ORC2: variants seen among roughly 807,000 people sequenced by gnomAD.
The protein encoded by ORC2 is origin recognition complex protein 2 homolog.
ORC2 carries 37 observed loss-of-function variants against 77.7 expected under a neutral mutation model. The ratio of observed to expected loss-of-function variants is 0.48; its 90% CI spans 0.37 to 0.63. The LOEUF (loss-of-function observed/expected upper bound fraction) is 0.63, where lower values mean the gene tolerates loss of function less well. Ranked by LOEUF, ORC2 falls within the 20% of genes least tolerant of loss-of-function variation. ORC2 has a pLI of 0.00. For missense variants in ORC2, 557 were observed against 661.9 expected, an observed-to-expected ratio of 0.84 and a Z score of 1.74; for synonymous variants, 201 against 229.5, an observed-to-expected ratio of 0.88 and a Z score of 1.12.
chr2:200,945,490 A>G (rs2041234122), intron 5 of ORC2, among the ~76,000 whole-genome samples: 1 of 115,316 alleles, frequency 8.7e-6, no homozygotes, highest in Non-Finnish European at 1.7e-5. Context: ...AAATTGCTTG[A>G]GCCTAGGACA....
At chr2:200,947,880 C>A (rs912989149) in intron 5 of ORC2, among the ~76,000 whole-genome samples, 1 of 152,140 alleles carries the variant, frequency 6.6e-6, no homozygotes. Context: ...GGACTATAGG[C>A]ATGTACCACC....
At chr2:200,939,293 CTT>C (rs2041105393) in intron 7 of ORC2, among the ~76,000 whole-genome samples, 2 of 152,104 alleles carry the variant, frequency 1.3e-5, no homozygotes, top group East Asian at 1.9e-4. Context: ...ATTGAGATAA[CTT>C]ATATATATCT....
chr2:200,949,695 G>C (rs1559021621), intron 4 of ORC2, 52 bp from the exon 5 acceptor site: 3 of 1,101,384 alleles, frequency 2.7e-6, no homozygotes, highest in Non-Finnish European at 4.0e-6. Flanking sequence ...AAAATTAACA[G>C]AAAAAAATTT....
intron 5 of ORC2, chr2:200,943,083 C>G (rs2041184840): frequency 5.5e-6 from 1 of 181,342 alleles, no homozygotes; most frequent in East Asian, 1.4e-4. Flanking sequence ...CCTTTCATTT[C>G]TTACCATATA....
chr2:200,910,993 T>C lies in ORC2; in HGVS notation c.*308A>G, dbSNP rs530955473. On this transcript the variant is annotated 3_prime_UTR_variant, in exon 18 of 18. Coordinates refer to ENST00000234296, the MANE Select transcript of ORC2 (RefSeq NM_006190.5). ...AAAAAATTCAGAATATCTCTAAGTA[T>C]AAAATAATTCAAAAACATCCAGTTC... 3 of 214,390 alleles carry C rather than the reference T, an allele frequency of 1.4e-5. No homozygotes were observed. The highest frequency in any genetic ancestry group is 5.3e-5 in the Admixed American group (1 of 19,024). 13.3% of individuals were successfully genotyped at this position (214,390 alleles called of 1,614,324 possible). A position where few individuals can be genotyped will look rare whatever the true frequency, so the allele number is the denominator to read the frequency against.
intron 4 of ORC2, among the ~76,000 whole-genome samples, chr2:200,956,528 C>T (rs144464852): frequency 6.6e-6 from 1 of 151,706 alleles, no homozygotes; most frequent in East Asian, 2.0e-4. Context: ...CGGGATCTTA[C>T]TATGTTGCCT....
In ORC2 at chr2:200,909,956, T is replaced by G. The variant is rs1410952835; in HGVS notation, c.*1345A>C. ...TTTTAAATTTTTTGTAGAGACAAGGTCTCACTATGTTGCCCAGGCTGTTCT... is the reference window on the plus strand; with the variant it reads ...TTTTAAATTTTTTGTAGAGACAAGGGCTCACTATGTTGCCCAGGCTGTTCT... On this transcript the variant is annotated 3_prime_UTR_variant, in exon 18 of 18. Coordinates refer to ENST00000234296, the MANE Select transcript of ORC2 (RefSeq NM_006190.5). 1.3e-5 allele frequency: 2 copies of G among 151,996 alleles called. No homozygotes were observed. The highest frequency in any genetic ancestry group is 2.9e-5 in the Non-Finnish European group (2 of 68,050). The allele number at this position is 151,996 out of a possible 1,614,324, so 9.4% of individuals were successfully genotyped here.
chr2:200,963,411 G>A (rs1441115896), intron 1 of ORC2, 79 bp downstream of exon 1: 5 of 398,486 alleles, frequency 1.3e-5, no homozygotes, highest in Non-Finnish European at 2.2e-5. Context: ...ACGCGGGGCT[G>A]GGTGCACCTG....
At chr2:200,933,602 T>C (rs2040981761) in intron 10 of ORC2, among the ~76,000 whole-genome samples, 1 of 152,034 alleles carries the variant, frequency 6.6e-6, no homozygotes, top group Non-Finnish European at 1.5e-5. Flanking sequence ...AACAACGAGG[T>C]CTCCCTATAT....
intron 4 of ORC2, among the ~76,000 whole-genome samples, chr2:200,952,902 A>G (rs2041388663): frequency 6.6e-6 from 1 of 151,884 alleles, no homozygotes; most frequent in African/African-American, 2.4e-5. Context: ...ACTTGAGCCT[A>G]GGGGTTTGAG....
At chr2:200,948,182 G>A (rs1223853590) in intron 5 of ORC2, among the ~76,000 whole-genome samples, 1 of 151,856 alleles carries the variant, frequency 6.6e-6, no homozygotes, top group African/African-American at 2.4e-5. Flanking sequence ...CAAAGTGCTG[G>A]GATTACAGGC....
At chr2:200,913,447 GCA>G in intron 16 of ORC2, 34 bp from the exon 17 acceptor site, 1 of 1,551,826 alleles carries the variant, frequency 6.4e-7, no homozygotes, top group Non-Finnish European at 8.7e-7. Flanking sequence ...ACATAAGTCA[GCA>G]CTTAAGACAT....
chr2:200,946,104 A>G lies in ORC2; in HGVS notation c.329-3327T>C, dbSNP rs2300187. 3.6e-3 allele frequency among the ~76,000 whole-genome samples: 541 copies of G among 151,588 alleles called. 15 individuals are homozygous for G. The East Asian group carries it at 0.078, about 22-fold the overall frequency. On this transcript the variant is annotated intron_variant, in intron 5 of 17. Transcript: ENST00000234296. ...AGCCTTCCTATCTAACTTATAGTCT[A>G]TTTCTAGCCCTATATCTTGGTTAGC...
At chr2:200,915,091 C>T (rs1168708957) in intron 15 of ORC2, among the ~76,000 whole-genome samples, 3 of 147,378 alleles carry the variant, frequency 2.0e-5, no homozygotes, top group Admixed American at 6.9e-5. Flanking sequence ...TCTTGGCTCA[C>T]CGCAACCTCT....
Position 200,914,239 on chromosome 2 carries a change from C to T in ORC2, c.1467-247G>A, listed in dbSNP as rs530688562. Among the ~76,000 whole-genome samples, 4 of 149,650 alleles carry T rather than the reference C, an allele frequency of 2.7e-5. No homozygotes were observed. In the East Asian group the frequency reaches 7.9e-4, roughly 30 times the overall value. On this transcript the variant is annotated intron_variant, in intron 15 of 17. Coordinates refer to ENST00000234296, the MANE Select transcript of ORC2 (RefSeq NM_006190.5). ...GGAATGCAGTGGCATGATCTTGGCT[C>T]ACTGCAAGCTCTGCCTCCCGGGTTC...
intron 15 of ORC2, among the ~76,000 whole-genome samples, chr2:200,920,000 C>A (rs1356325652): frequency 2.6e-5 from 4 of 152,090 alleles, no homozygotes. Flanking sequence ...TCAGAAATAT[C>A]AAAGAAATAA....
chr2:200,938,082 A>G lies in ORC2; in HGVS notation c.454-116T>C, dbSNP rs1384507465. On this transcript the variant is annotated intron_variant, in intron 7 of 17. Transcript: ENST00000234296. ...GCTTTCAATAGACTGCATTAGAACT[A>G]GATGAGCTTAGTTCCTAGAACTAGA... 7.9e-6 allele frequency: 5 copies of G among 633,840 alleles called. 1 individual carries two copies. The Admixed American group carries it at 1.6e-4, about 20-fold the overall frequency. The allele number at this position is 633,840 out of a possible 1,614,324, so 39.3% of individuals were successfully genotyped here.
rs547441097 is a variant in ORC2 at position 200,934,791 on chromosome 2, T to C, written c.709-817A>G. On this transcript the variant is annotated intron_variant, in intron 9 of 17. Coordinates refer to ENST00000234296, the MANE Select transcript of ORC2 (RefSeq NM_006190.5). ...CGGAATTTTCTTCTCACACTATTTG[T>C]TCTTCTGATTTTGGGCAGGACTAAA... Among the ~76,000 whole-genome samples the C allele has an allele frequency of 3.3e-5, 5 of 152,320 alleles. No homozygotes were observed. The East Asian group carries it at 9.7e-4, about 29-fold the overall frequency.
intron 8 of ORC2, 62 bp from the exon 9 acceptor site, chr2:200,935,954 G>C (rs752792756): frequency 2.6e-5 from 37 of 1,427,922 alleles, no homozygotes; most frequent in Non-Finnish European, 3.1e-5. Flanking sequence ...GCATTGTGGG[G>C]TAAAGCAAAG....
Sources: allele counts gnomAD v4.1 joint callset (sites outside exome capture counted in the v4.1 genomes callset), GRCh38; gene constraint gnomAD v4.1.1; transcripts MANE v1.5; gene names NCBI Gene and HGNC (gene_info 2026-07-23, HGNC 2026-07-21).